INPP5A: variants seen among roughly 807,000 people sequenced by gnomAD.
INPP5A encodes the protein 43 kDa inositol polyphosphate 5-phophatase.
A neutral mutation model predicts 65.2 loss-of-function variants in INPP5A; 14 were observed. The observed-to-expected ratio is 0.21, with a 90% CI of 0.14 to 0.34. The LOEUF (loss-of-function observed/expected upper bound fraction) is 0.34. Among genes scored for constraint, INPP5A ranks in the 10% least tolerant of loss-of-function variants. The pLI is 1.00. For synonymous variants in INPP5A, 207 were observed against 208.3 expected (o/e 0.99, Z 0.05); for missense variants, 431 against 545.6 (o/e 0.79, Z 2.09).
rs1234226677 is a variant in INPP5A at position 132,705,307 on chromosome 10, A to AGCC, written c.475-3005_475-3003dup. On this transcript the variant is annotated intron_variant, in intron 6 of 15. Transcript: ENST00000368594. The surrounding 1 kb of genome is among the most constrained non-coding windows in gnomAD (Gnocchi z 4.9). The stretch of plus-strand genomic sequence containing the variant: ...CAAGTGTCTGGTGCAGCACGCAGGG[A>AGCC]GCCTGCCACCCCGCCACCCCGCCAT... 6.6e-6 allele frequency among the ~76,000 whole-genome samples: 1 copy of AGCC among 152,140 alleles called. No homozygotes were observed. Among genetic ancestry groups the AGCC allele is most frequent in the Non-Finnish European group, 1.5e-5 (1 of 68,014 alleles).
chr10:132,542,605 A>G (rs1366759757), intron 1 of INPP5A, among the ~76,000 whole-genome samples: 3 of 152,148 alleles, frequency 2.0e-5, no homozygotes, highest in Non-Finnish European at 4.4e-5. Flanking sequence ...TCTCCCCTCC[A>G]TGTCCTTCTC....
chr10:132,564,326 C>T (rs1329982117), intron 1 of INPP5A, among the ~76,000 whole-genome samples: 5 of 152,140 alleles, frequency 3.3e-5, no homozygotes, highest in East Asian at 1.9e-4. Flanking sequence ...GGACTTCTCC[C>T]TCCACCCCGA....
rs1847184865 is a variant in INPP5A, at chr10:132,782,537, T to A, written c.*508T>A. 1 of 162,286 alleles carries A rather than the reference T, an allele frequency of 6.2e-6. No individual in the cohort carries two copies. Among genetic ancestry groups the A allele is most frequent in the Non-Finnish European group, 1.4e-5 (1 of 73,244 alleles). The allele number at this position is 162,286 out of a possible 1,614,324, so 10.1% of individuals were successfully genotyped here. ...TCTGCCGATGCTCCTTCCGCGGCAC[T>A]GACTCTGCGCCGTGTCACATGGTTT... is the stretch of plus-strand genomic sequence containing the variant. On this transcript the variant is annotated 3_prime_UTR_variant, in exon 16 of 16. Transcript: ENST00000368594. The surrounding 1 kb of genome is among the most constrained non-coding windows in gnomAD (Gnocchi z 4.4).
At chr10:132,778,302 ATTTTTTT>A (rs57172206) in intron 13 of INPP5A, among the ~76,000 whole-genome samples, 11 of 72,958 alleles carry the variant, frequency 1.5e-4, no homozygotes, top group South Asian at 1.1e-3. Context: ...TTTAATAATA[ATTTTTTT>A]TTTTTTTTTT....
At chr10:132,721,230 G>T (rs1845871475) in intron 8 of INPP5A, among the ~76,000 whole-genome samples, 2 of 146,764 alleles carry the variant, frequency 1.4e-5, no homozygotes, top group Non-Finnish European at 3.0e-5. Context: ...TGTCTTCAGG[G>T]TTCTGTGGTG....
In INPP5A at chr10:132,754,301, G is replaced by A. The variant is rs558795408; in HGVS notation, c.903+4456G>A. Among the ~76,000 whole-genome samples the A allele has an allele frequency of 7.2e-5, 11 of 152,380 alleles. No homozygotes were observed. The South Asian group carries it at 1.2e-3, about 17-fold the overall frequency. Reference sequence around the variant, plus strand: ...TTGGAGTGTCTGGCACAGTGCCGACGTGGGAGCAGCACGGTGAGCCCGTGT... The same window carrying A: ...TTGGAGTGTCTGGCACAGTGCCGACATGGGAGCAGCACGGTGAGCCCGTGT... On this transcript the variant is annotated intron_variant, in intron 11 of 15. Transcript: ENST00000368594.
rs1307265484 is a variant in INPP5A, at chr10:132,616,970, A to G, written c.117+9014A>G. Among the ~76,000 whole-genome samples the G allele has an allele frequency of 7.9e-5, 12 of 152,062 alleles. No homozygotes were observed. The highest frequency in any genetic ancestry group is 7.9e-4 in the Admixed American group (12 of 15,278). ...GGAGAGGCCGCCTGAGGTCCTTCGAAGCAGCCTGGGTCTGTCTGCTCCCTG... is the reference window on the plus strand; with the variant it reads ...GGAGAGGCCGCCTGAGGTCCTTCGAGGCAGCCTGGGTCTGTCTGCTCCCTG... On this transcript the variant is annotated intron_variant, in intron 2 of 15. Transcript: ENST00000368594. This position sits in a 1 kb window ranked among gnomAD's most constrained non-coding sequence, Gnocchi z 4.9.
At chr10:132,622,096 A>G (rs1195149931) in intron 2 of INPP5A, among the ~76,000 whole-genome samples, 1 of 152,376 alleles carries the variant, frequency 6.6e-6, no homozygotes, top group East Asian at 1.9e-4. Context: ...TCTTGTTTAC[A>G]TTAGCTATCA....
intron 13 of INPP5A, among the ~76,000 whole-genome samples, chr10:132,778,105 G>A (rs1217150718): frequency 6.6e-6 from 1 of 152,138 alleles, no homozygotes; most frequent in South Asian, 2.1e-4. Flanking sequence ...GGAAGTCAAC[G>A]TGCTCTTGTG....
chr10:132,582,219 A>G (rs989702751), intron 1 of INPP5A, among the ~76,000 whole-genome samples: 2 of 152,044 alleles, frequency 1.3e-5, no homozygotes, highest in African/African-American at 4.8e-5. Flanking sequence ...GAGGCAGAAT[A>G]TATCTGTGTT....
chr10:132,715,313 T>A (rs1845721197), intron 8 of INPP5A, among the ~76,000 whole-genome samples: 1 of 152,226 alleles, frequency 6.6e-6, no homozygotes. Context: ...AATCTCGGCA[T>A]AAAGCACCCC....
chr10:132,717,835 C>T (rs1170451444), intron 8 of INPP5A, among the ~76,000 whole-genome samples: 1 of 146,640 alleles, frequency 6.8e-6, no homozygotes. Context: ...GCACCTTAGA[C>T]GGCTGTCTTG....
intron 1 of INPP5A, among the ~76,000 whole-genome samples, chr10:132,541,133 C>T (rs2070901373): frequency 6.6e-6 from 1 of 152,118 alleles, no homozygotes; most frequent in Non-Finnish European, 1.5e-5. Flanking sequence ...ACCACAGGCA[C>T]ATGCCACCAT....
intron 9 of INPP5A, among the ~76,000 whole-genome samples, chr10:132,746,757 AT>A (rs1457943505): frequency 6.6e-6 from 1 of 152,234 alleles, no homozygotes; most frequent in African/African-American, 2.4e-5. Flanking sequence ...TAAACATAGC[AT>A]TTAGGGTATT....
At chr10:132,579,315 C>T (rs540068054) in intron 1 of INPP5A, among the ~76,000 whole-genome samples, 36 of 152,006 alleles carry the variant, frequency 2.4e-4, no homozygotes, top group Non-Finnish European at 7.4e-5. Context: ...GCTGTCGTGC[C>T]CCTGAGTGAG....
rs2072757272 is a variant in INPP5A at position 132,663,113 on chromosome 10, C to G, written c.306+12608C>G. On this transcript the variant is annotated intron_variant, in intron 4 of 15. Transcript: ENST00000368594. This position sits in a 1 kb window ranked among gnomAD's most constrained non-coding sequence, Gnocchi z 4.5. ...GTGCACACCACTGTGTGTCTCACAA[C>G]TCAGGCAACTCGGCACGCCGCAGGA... Among the ~76,000 whole-genome samples the G allele has an allele frequency of 6.6e-6, 1 of 152,252 alleles. No individual in the cohort carries two copies.
intron 6 of INPP5A, among the ~76,000 whole-genome samples, chr10:132,700,050 G>C (rs550011922): frequency 2.0e-5 from 3 of 152,184 alleles, no homozygotes; most frequent in Non-Finnish European, 4.4e-5. Flanking sequence ...GTCTGTGGAG[G>C]GCATAGCACG....
intron 5 of INPP5A, among the ~76,000 whole-genome samples, chr10:132,691,847 C>T (rs574028336): frequency 2.4e-4 from 35 of 144,820 alleles, no homozygotes; most frequent in African/African-American, 6.8e-4. Context: ...GGGAGACGTG[C>T]GGTCGCGGGA....
intron 8 of INPP5A, among the ~76,000 whole-genome samples, chr10:132,720,376 CT>C (rs1183212584): frequency 1.4e-5 from 2 of 144,924 alleles, no homozygotes; most frequent in East Asian, 4.1e-4. Context: ...TACCTGGGTT[CT>C]GTCTGGGCAC....
Sources: gnomAD v4.1 joint callset for allele counts (sites outside exome capture counted in the v4.1 genomes callset) on GRCh38, gnomAD v4.1.1 for gene constraint, Gnocchi (gnomAD v3.1) non-coding constraint, MANE v1.5 for transcripts, NCBI Gene and HGNC (gene_info 2026-07-23, HGNC 2026-07-21) for gene names.